Variants in CATSPERT observed in about 807,000 individuals in gnomAD.
CATSPERT encodes cation channel sperm-associated targeting subunit tau.
the CATSPERT span, among the ~76,000 whole-genome samples, chr2:201,581,477 A>AATATATAT: frequency 7.4e-4 from 11 of 14,856 alleles, no homozygotes; most frequent in Non-Finnish European, 8.9e-4. Flanking sequence ...CACATTCCGG[A>AATATATAT]ATATATATAT....
At chr2:201,593,226 C>T in the CATSPERT span, among the ~76,000 whole-genome samples, 1 of 151,808 alleles carries the variant, frequency 6.6e-6, no homozygotes, top group African/African-American at 2.4e-5. Flanking sequence ...TTTCTGCCTT[C>T]ATTTTGTTAT....
At chr2:201,608,319 A>G in the CATSPERT span, among the ~76,000 whole-genome samples, 1 of 152,154 alleles carries the variant, frequency 6.6e-6, no homozygotes, top group South Asian at 2.1e-4. Context: ...AGCCTCAGGC[A>G]CAAAACTTAA....
At chr2:201,530,350 T>G in the CATSPERT span, among the ~76,000 whole-genome samples, 1 of 152,190 alleles carries the variant, frequency 6.6e-6, no homozygotes, top group Non-Finnish European at 1.5e-5. Context: ...GGAAGCAACT[T>G]AAGTGTCTAT....
At chr2:201,571,427 C>A in the CATSPERT span, among the ~76,000 whole-genome samples, 1 of 152,102 alleles carries the variant, frequency 6.6e-6, no homozygotes, top group Non-Finnish European at 1.5e-5. Flanking sequence ...GTTGAAATTT[C>A]AAGATTGATT....
the CATSPERT span, among the ~76,000 whole-genome samples, chr2:201,563,094 G>A: frequency 1.3e-5 from 2 of 150,000 alleles, no homozygotes; most frequent in South Asian, 2.1e-4. Flanking sequence ...AGGGGCGGCC[G>A]GGCAGAGGCG....
chr2:201,491,613 A>G, the CATSPERT span: 1 of 1,537,108 alleles, frequency 6.5e-7, no homozygotes, highest in Non-Finnish European at 8.7e-7. Context: ...TTAAAGTGCT[A>G]CTTTGCCAGG....
the CATSPERT span, among the ~76,000 whole-genome samples, chr2:201,515,151 T>G: frequency 1.9e-3 from 267 of 143,700 alleles, no homozygotes; most frequent in African/African-American, 6.2e-3. Context: ...ATCAAAGAGA[T>G]AGTTTTTTCT....
chr2:201,508,270 G>C, the CATSPERT span, among the ~76,000 whole-genome samples: 28 of 152,290 alleles, frequency 1.8e-4, no homozygotes, highest in Non-Finnish European at 1.5e-5. Context: ...CATAGTCAAA[G>C]GGTGCCAAAG....
the CATSPERT span, among the ~76,000 whole-genome samples, chr2:201,517,317 C>A: frequency 6.6e-6 from 1 of 152,120 alleles, no homozygotes; most frequent in Non-Finnish European, 1.5e-5. Context: ...TTAGCCATTT[C>A]CCCTCCCCAA....
At chr2:201,538,420 G>A in the CATSPERT span, among the ~76,000 whole-genome samples, 2 of 152,052 alleles carry the variant, frequency 1.3e-5, no homozygotes, top group African/African-American at 4.8e-5. Context: ...CTCAGATACT[G>A]TGTTTTGTAC....
chr2:201,568,224 T>C, the CATSPERT span, among the ~76,000 whole-genome samples: 1 of 152,190 alleles, frequency 6.6e-6, no homozygotes, highest in Admixed American at 6.5e-5. Context: ...AAAAATGTCT[T>C]ATCAGTAAGT....
At chr2:201,595,734 G>C in the CATSPERT span, among the ~76,000 whole-genome samples, 137 of 152,236 alleles carry the variant, frequency 9.0e-4, 1 homozygote, top group East Asian at 0.023. Flanking sequence ...GGTTACTGCT[G>C]TCTTTTTGTT....
chr2:201,610,149 T>TGAA, the CATSPERT span, among the ~76,000 whole-genome samples: 9,569 of 152,182 alleles, frequency 0.063, 383 homozygotes, highest in Middle Eastern at 0.1. Flanking sequence ...GTAATGAGAT[T>TGAA]GAAGCAGTAA....
At chr2:201,582,339 C>A in the CATSPERT span, 5 of 890,894 alleles carry the variant, frequency 5.6e-6, no homozygotes, top group Non-Finnish European at 8.0e-6. Context: ...CTATTGCATA[C>A]TATATTATGC....
chr2:201,563,139 G>A, the CATSPERT span, among the ~76,000 whole-genome samples: 5 of 52,338 alleles, frequency 9.6e-5, no homozygotes, highest in Non-Finnish European at 2.1e-4. Context: ...CTGGCCGGGC[G>A]GGGGGCTGAC....
chr2:201,563,224 C>T, the CATSPERT span, among the ~76,000 whole-genome samples: 9 of 127,356 alleles, frequency 7.1e-5, 1 homozygote, highest in Non-Finnish European at 1.5e-4. Context: ...GACTGGGCGG[C>T]TGGCTGGGCA....
the CATSPERT span, among the ~76,000 whole-genome samples, chr2:201,580,186 T>C: frequency 6.6e-6 from 1 of 152,230 alleles, no homozygotes; most frequent in African/African-American, 2.4e-5. Context: ...TAGATAATAC[T>C]GTGTACTTCA....
the CATSPERT span, among the ~76,000 whole-genome samples, chr2:201,586,806 T>TA: frequency 6.6e-6 from 1 of 152,186 alleles, no homozygotes; most frequent in Non-Finnish European, 1.5e-5. Flanking sequence ...TTTGTATTGT[T>TA]ACATTTCTTT....
chr2:201,617,992 A>G, the CATSPERT span, among the ~76,000 whole-genome samples: 1 of 152,238 alleles, frequency 6.6e-6, no homozygotes, highest in Admixed American at 6.5e-5. Context: ...AGAAATGCAA[A>G]TCAAAACCAC....
Sources: gnomAD v4.1 joint callset for allele counts (sites outside exome capture counted in the v4.1 genomes callset) on GRCh38, gnomAD v4.1.1 for gene constraint, MANE v1.5 for transcripts, NCBI Gene and HGNC (gene_info 2026-07-23, HGNC 2026-07-21) for gene names.